The following ATP2B3 variants were observed in gnomAD, a reference collection of about 807,000 sequenced individuals.
The protein encoded by ATP2B3 is plasma membrane calcium-transporting ATPase 3.
A neutral mutation model predicts 70.8 loss-of-function variants in ATP2B3; 12 were observed. The ratio of observed to expected loss-of-function variants is 0.17; its 90% CI spans 0.11 to 0.27. ATP2B3 has a LOEUF of 0.27. Ranked by LOEUF, ATP2B3 falls within the 10% of genes least tolerant of loss-of-function variation. The pLI, the probability that ATP2B3 is intolerant of heterozygous loss-of-function variation, is 1.00. For synonymous variants in ATP2B3, 460 were observed against 497.8 expected (o/e 0.92, Z 1.01); for missense variants, 858 against 1,118.5 (o/e 0.77, Z 3.32).
At chrX:153,558,992 T>C (rs1273160161) in intron 17 of ATP2B3, among the ~76,000 whole-genome samples, 1 of 111,605 alleles carries the variant, frequency 9.0e-6, no homozygotes, top group East Asian at 2.8e-4. Flanking sequence ...AGAAAGGGGG[T>C]GTTTAAATTG....
chrX:153,529,911 G>A (rs1415300878), intron 2 of ATP2B3, among the ~76,000 whole-genome samples: 1 of 112,689 alleles, frequency 8.9e-6, no homozygotes, highest in East Asian at 2.8e-4. Flanking sequence ...ACTTTGTAAG[G>A]CTGAGTCCTA....
chrX:153,575,559 G>A, intron 21 of ATP2B3, among the ~76,000 whole-genome samples: 1 of 111,644 alleles, frequency 9.0e-6, no homozygotes, highest in Non-Finnish European at 1.9e-5. Flanking sequence ...GACACGCTCT[G>A]GTTTTCGGGC....
intron 1 of ATP2B3, among the ~76,000 whole-genome samples, 82 bp from the exon 2 acceptor site, chrX:153,518,350 C>T (rs2089907744): frequency 8.9e-6 from 1 of 112,588 alleles, no homozygotes; most frequent in Non-Finnish European, 1.9e-5. Context: ...CGCGGCTGCC[C>T]AGCAGACCCC....
intron 2 of ATP2B3, among the ~76,000 whole-genome samples, chrX:153,527,697 G>A (rs2090055108): frequency 8.9e-6 from 1 of 112,473 alleles, no homozygotes; most frequent in African/African-American, 3.2e-5. Context: ...GTCCGGGCAA[G>A]CTTGGGGAAG....
intron 1 of ATP2B3, among the ~76,000 whole-genome samples, 190 bp downstream of exon 1, chrX:153,518,065 G>C (rs1351528554): frequency 9.0e-6 from 1 of 111,146 alleles, no homozygotes; most frequent in Non-Finnish European, 1.9e-5. Flanking sequence ...GCGGCCGCGC[G>C]TCACCCCGGG....
In ATP2B3 at chrX:153,541,823, C is replaced by T. The variant is rs1557006612; in HGVS notation, c.561C>T (p.Ser187=). 1 of 1,211,505 alleles carries T rather than the reference C, an allele frequency of 8.3e-7. No homozygotes were observed. Among genetic ancestry groups the T allele is most frequent in the Admixed American group, 2.2e-5 (1 of 46,047 alleles). Residue 187 remains serine (S), a synonymous_variant, in exon 5 of 22, where the codon AGC becomes AGT. Transcript: ENST00000263519. ...SKEKQFRGLQ[S]RIEQEQKFTV... ...AGAAGCAGTTCCGAGGCCTGCAGAG[C>T]CGAATTGAGCAGGAGCAGAAGTTCA...
intron 4 of ATP2B3, 28 bp downstream of exon 4, chrX:153,541,584 G>A: frequency 8.3e-7 from 1 of 1,209,954 alleles, no homozygotes; most frequent in African/African-American, 1.7e-5. Context: ...GGGCTGGAAG[G>A]AGGAAGAGGA....
intron 3 of ATP2B3, among the ~76,000 whole-genome samples, chrX:153,536,986 G>T (rs3020945): frequency 0.017 from 1,862 of 111,690 alleles, 44 homozygotes; most frequent in African/African-American, 0.057. Context: ...GCTGGGTCAC[G>T]GGAGGCCCAG....
chrX:153,549,538 C>T lies in ATP2B3; in HGVS notation c.1380C>T (p.Ala460=). 8.2e-7 allele frequency: 1 copy of T among 1,212,364 alleles called. No individual in the cohort carries two copies. The highest frequency in any genetic ancestry group is 1.1e-6 in the Non-Finnish European group (1 of 895,622). The change falls in exon 11 of 22, where the codon GCC becomes GCT. Residue 460 remains alanine, a synonymous_variant. Transcript: ENST00000263519. ...KDNNLVRHLD[A]CETMGNATAI... Reference sequence around the variant, plus strand: ...ACAACCTGGTGCGCCACCTGGATGCCTGCGAGACCATGGGCAACGCCACAG... The same window carrying T: ...ACAACCTGGTGCGCCACCTGGATGCTTGCGAGACCATGGGCAACGCCACAG...
In ATP2B3 at chrX:153,572,556, C is replaced by T. The variant is rs782061016; in HGVS notation, c.3343-7422C>T. Among the ~76,000 whole-genome samples, 436 of 111,940 alleles carry T rather than the reference C, an allele frequency of 3.9e-3. 1 individual carries two copies. The highest frequency in any genetic ancestry group is 9.2e-3 in the Middle Eastern group (2 of 217). ...CGCTGGGGCTCAGTGCTCACACACT[C>T]GAGCCCTCCCCACCCTGTCTAACCT... On this transcript the variant is annotated intron_variant, in intron 21 of 21. Transcript: ENST00000263519.
intron 7 of ATP2B3, among the ~76,000 whole-genome samples, chrX:153,545,007 C>T (rs1249804434): frequency 1.8e-5 from 2 of 112,962 alleles, no homozygotes; most frequent in Admixed American, 1.8e-4. Flanking sequence ...GGGGTCTCCC[C>T]TCCCTGCAAG....
chrX:153,546,415 G>A (rs782302477), intron 8 of ATP2B3, among the ~76,000 whole-genome samples: 3 of 112,765 alleles, frequency 2.7e-5, no homozygotes, highest in East Asian at 2.8e-4. Flanking sequence ...GTGAGTGGGC[G>A]CCCCGAGTCC....
chrX:153,556,628 G>A (rs1557013801), intron 15 of ATP2B3, among the ~76,000 whole-genome samples: 3 of 112,180 alleles, frequency 2.7e-5, no homozygotes, highest in Non-Finnish European at 5.6e-5. Context: ...CACACAGTGA[G>A]TCTCTAGAAG....
intron 21 of ATP2B3, among the ~76,000 whole-genome samples, chrX:153,566,423 C>T (rs1557018187): frequency 1.8e-5 from 2 of 112,809 alleles, no homozygotes; most frequent in African/African-American, 6.4e-5. Context: ...AGTCACACAT[C>T]ACCAAGGGCC....
chrX:153,531,130 G>A (rs1603028273), intron 2 of ATP2B3, among the ~76,000 whole-genome samples: 2 of 112,716 alleles, frequency 1.8e-5, no homozygotes, highest in Non-Finnish European at 3.8e-5. Context: ...GCAGGAAGAT[G>A]TGGGGAATCA....
Position 153,557,887 on chromosome X carries a change from C to T in ATP2B3, c.2434-225C>T, listed in dbSNP as rs1557014481. Among the ~76,000 whole-genome samples the T allele has an allele frequency of 1.9e-5, 2 of 107,676 alleles. 1 individual carries two copies. The highest frequency in any genetic ancestry group is 3.9e-5 in the Non-Finnish European group (2 of 51,488). 93.5% of individuals were successfully genotyped at this position (107,676 alleles called of 115,157 possible). A position where few individuals can be genotyped will look rare whatever the true frequency, so the allele number is the denominator to read the frequency against. ...CCTCTGTGTTTATGAGCAAAGCCCC[C>T]CCCCCCACCGTGACATGTGACAACT... On this transcript the variant is annotated intron_variant, in intron 16 of 21. Transcript: ENST00000263519.
chrX:153,546,206 G>A, intron 8 of ATP2B3, 77 bp downstream of exon 8: 4 of 1,135,295 alleles, frequency 3.5e-6, no homozygotes, highest in Non-Finnish European at 4.8e-6. Context: ...AGTGTTGGGG[G>A]AGGTTCACCT....
Position 153,547,960 on chromosome X carries a change from G to C in ATP2B3, c.1084G>C (p.Gly362Arg), listed in dbSNP as rs2090394866. 8.3e-7 allele frequency: 1 copy of C among 1,208,874 alleles called. No individual in the cohort carries two copies. The highest frequency in any genetic ancestry group is 1.8e-5 in the South Asian group (1 of 56,363). ...CAAAAAGGAGAAGTCTGTCCTTCAG[G>C]GGAAGCTCACAAAGCTAGCCGTGCA... is the stretch of plus-strand genomic sequence containing the variant. ...APKKEKSVLQGKLTKLAVQIG... is the reference protein window; with the variant it reads ...APKKEKSVLQRKLTKLAVQIG... Residue 362 changes from glycine to arginine, a missense_variant, in exon 9 of 22, where the codon GGG (glycine) becomes CGG (arginine). By Grantham distance (125) the Gly-to-Arg change is moderately radical. Transcript: ENST00000263519.
chrX:153,522,098 G>A (rs182650934), intron 2 of ATP2B3, among the ~76,000 whole-genome samples: 10 of 112,590 alleles, frequency 8.9e-5, no homozygotes, highest in African/African-American at 3.2e-4. Context: ...GAGCTTAACA[G>A]GTAGGGACAG....
Sources: gnomAD v4.1 joint callset for allele counts (sites outside exome capture counted in the v4.1 genomes callset) on GRCh38, gnomAD v4.1.1 for gene constraint, MANE v1.5 for transcripts, NCBI Gene and HGNC (gene_info 2026-07-23, HGNC 2026-07-21) for gene names.